The following RORA variants were observed in gnomAD, a reference collection of about 807,000 sequenced individuals.
The protein encoded by RORA is RAR related orphan receptor A.
RORA carries 7 observed loss-of-function variants against 69.5 expected under a neutral mutation model. The observed-to-expected ratio is 0.10, with a 90% CI of 0.06 to 0.19. RORA has a LOEUF of 0.19. Ranked by LOEUF, RORA falls within the 10% of genes least tolerant of loss-of-function variation. RORA has a pLI of 1.00. For missense variants in RORA, 457 were observed against 663.0 expected (o/e 0.69, Z 3.41); for synonymous variants, 261 against 240.8 (o/e 1.08, Z -0.78).
Position 61,228,481 on chromosome 15 carries a change from G to C in RORA, c.166+572C>G, listed in dbSNP as rs1157232809. The stretch of plus-strand genomic sequence containing the variant: ...GGTGTCCACGTCGCCCCCAGACCCC[G>C]GAGCGCCCCCTCTCCACCCCCGGGA... On this transcript the variant is annotated intron_variant, in intron 1 of 10. Transcript: ENST00000335670. 2.7e-5 allele frequency among the ~76,000 whole-genome samples: 4 copies of C among 147,568 alleles called. No homozygotes were observed. The East Asian group carries it at 8.0e-4, about 29-fold the overall frequency.
intron 2 of RORA, among the ~76,000 whole-genome samples, chr15:60,583,543 T>C (rs566989789): frequency 1.3e-5 from 2 of 152,314 alleles, no homozygotes; most frequent in African/African-American, 4.8e-5. Context: ...CTGGGGCTTC[T>C]GGACAAGGCT....
At chr15:60,711,789 T>G (rs2071147697) in intron 1 of RORA, among the ~76,000 whole-genome samples, 1 of 152,210 alleles carries the variant, frequency 6.6e-6, no homozygotes, top group Non-Finnish European at 1.5e-5. Context: ...TCCAGGTTTC[T>G]CAAACCCTGT....
intron 1 of RORA, among the ~76,000 whole-genome samples, chr15:60,843,537 G>A (rs897599064): frequency 2.0e-5 from 3 of 152,194 alleles, no homozygotes; most frequent in Admixed American, 1.3e-4. Context: ...TGTTACACGT[G>A]TCATGGTCAA....
At chr15:60,920,015 G>A (rs2128165) in intron 1 of RORA, among the ~76,000 whole-genome samples, 94,247 of 151,622 alleles carry the variant, frequency 0.62, 29,958 homozygotes, top group East Asian at 0.87. Flanking sequence ...AACTGCATAC[G>A]AAGGAGAAGG....
chr15:60,579,064 G>GTTT (rs869076097), intron 2 of RORA, among the ~76,000 whole-genome samples: 24 of 129,668 alleles, frequency 1.9e-4, no homozygotes, highest in African/African-American at 6.7e-4. Context: ...ACCGCGCCCG[G>GTTT]TTTTTTTTTT....
chr15:60,755,769 T>A (rs1168700880), intron 1 of RORA, among the ~76,000 whole-genome samples: 1 of 152,216 alleles, frequency 6.6e-6, no homozygotes, highest in Non-Finnish European at 1.5e-5. Context: ...CCTTTTCACC[T>A]ACAAGGTTGT....
At chr15:60,809,886 C>T (rs536938535) in intron 1 of RORA, among the ~76,000 whole-genome samples, 2 of 151,890 alleles carry the variant, frequency 1.3e-5, no homozygotes, top group Non-Finnish European at 2.9e-5. Context: ...ATGTAAGTTT[C>T]AATGCATTCA....
At chr15:61,223,905 T>C (rs1025351548) in intron 1 of RORA, among the ~76,000 whole-genome samples, 2 of 152,030 alleles carry the variant, frequency 1.3e-5, no homozygotes, top group African/African-American at 4.8e-5. Context: ...AAAGCATTAA[T>C]TTTAAAAATA....
chr15:60,623,673 G>A (rs1229595383), intron 2 of RORA, among the ~76,000 whole-genome samples: 9 of 152,266 alleles, frequency 5.9e-5, no homozygotes, highest in South Asian at 4.1e-4. Context: ...TCTGGTTACC[G>A]CTTTATGTGA....
At chr15:61,001,754 T>A (rs1291796616) in intron 1 of RORA, among the ~76,000 whole-genome samples, 1 of 152,134 alleles carries the variant, frequency 6.6e-6, no homozygotes, top group Non-Finnish European at 1.5e-5. Flanking sequence ...TATTTGATAG[T>A]GTGAAATATG....
At chr15:60,722,915 T>C (rs1401889263) in intron 1 of RORA, among the ~76,000 whole-genome samples, 1 of 151,972 alleles carries the variant, frequency 6.6e-6, no homozygotes, top group Non-Finnish European at 1.5e-5. Flanking sequence ...GTGCAGTGAG[T>C]CAGGCAGCCA....
At chr15:61,002,807 A>G (rs1894782894) in intron 1 of RORA, among the ~76,000 whole-genome samples, 2 of 152,072 alleles carry the variant, frequency 1.3e-5, no homozygotes, top group Non-Finnish European at 1.5e-5. Context: ...CCAGTGTCAC[A>G]GAACTGGTTT....
intron 1 of RORA, among the ~76,000 whole-genome samples, chr15:61,173,472 T>C (rs557136235): frequency 8.8e-4 from 134 of 152,326 alleles, no homozygotes; most frequent in African/African-American, 3.2e-3. Context: ...AGGCAACCCA[T>C]TCAGGTCTTC....
chr15:60,555,948 T>G (rs1389809827), intron 2 of RORA, among the ~76,000 whole-genome samples: 1 of 152,146 alleles, frequency 6.6e-6, no homozygotes, highest in East Asian at 1.9e-4. Context: ...TATTTGTAAG[T>G]GAATCTGGGT....
At chr15:60,857,406 A>C (rs770794995) in intron 1 of RORA, among the ~76,000 whole-genome samples, 1 of 136,602 alleles carries the variant, frequency 7.3e-6, no homozygotes, top group African/African-American at 2.8e-5. Context: ...AATGTATCAG[A>C]TGTTGAGTCT....
At chr15:61,069,219 T>C (rs564340738) in intron 1 of RORA, among the ~76,000 whole-genome samples, 93 of 152,360 alleles carry the variant, frequency 6.1e-4, no homozygotes, top group African/African-American at 1.9e-3. Flanking sequence ...GTAAAAAATC[T>C]ACATTTGTAG....
At chr15:61,059,243 A>G (rs921692014) in intron 1 of RORA, among the ~76,000 whole-genome samples, 2 of 152,228 alleles carry the variant, frequency 1.3e-5, no homozygotes, top group Non-Finnish European at 2.9e-5. Context: ...CAGAGGAGGA[A>G]AAAGAGGAAT....
intron 1 of RORA, among the ~76,000 whole-genome samples, chr15:60,883,180 G>GAGAGAGAGAGAGAA (rs141598376): frequency 8.8e-6 from 1 of 113,954 alleles, no homozygotes; most frequent in African/African-American, 3.4e-5. Context: ...GAGAGAGAGA[G>GAGAGAGAGAGAGAA]AGAAAGAAAG....
intron 2 of RORA, among the ~76,000 whole-genome samples, chr15:60,599,371 C>G (rs1004135262): frequency 1.3e-5 from 2 of 151,990 alleles, no homozygotes; most frequent in African/African-American, 2.4e-5. Context: ...GCCAACATGG[C>G]GAAACCCCAT....
Sources: gnomAD v4.1 joint callset for allele counts (sites outside exome capture counted in the v4.1 genomes callset) on GRCh38, gnomAD v4.1.1 for gene constraint, MANE v1.5 for transcripts, NCBI Gene and HGNC (gene_info 2026-07-23, HGNC 2026-07-21) for gene names.